The following ENPP6 variants were observed in gnomAD, a reference collection of about 807,000 sequenced individuals.
The protein encoded by ENPP6 is glycerophosphocholine cholinephosphodiesterase ENPP6.
Under a neutral mutation model 42.0 loss-of-function variants are expected in ENPP6, and 32 were observed. The observed-to-expected ratio is 0.76, with a 90% CI of 0.58 to 1.02. The LOEUF is 1.02. ENPP6 is among the 50% of genes least tolerant of loss of function. ENPP6 has a pLI of 0.00. For missense variants in ENPP6, 552 were observed against 566.8 expected (o/e 0.97, Z 0.27); for synonymous variants, 213 against 216.0 (o/e 0.99, Z 0.12).
intron 6 of ENPP6, among the ~76,000 whole-genome samples, chr4:184,103,563 C>T (rs996957799): frequency 3.9e-5 from 6 of 152,192 alleles, no homozygotes; most frequent in Non-Finnish European, 7.3e-5. Flanking sequence ...AGTGAAAACG[C>T]TGGTGAAATG....
intron 1 of ENPP6, among the ~76,000 whole-genome samples, chr4:184,206,332 A>G (rs1418186510): frequency 2.9e-5 from 3 of 104,614 alleles, no homozygotes; most frequent in African/African-American, 7.8e-5. Context: ...ATCTCGGCTC[A>G]CTGCAAGCTC....
chr4:184,120,141 T>A (rs1736392963), intron 3 of ENPP6, among the ~76,000 whole-genome samples: 1 of 152,158 alleles, frequency 6.6e-6, no homozygotes, highest in South Asian at 2.1e-4. Flanking sequence ...TCGCTTTTCC[T>A]GAGTATGTGG....
chr4:184,108,543 A>C (rs1736142478), intron 6 of ENPP6, among the ~76,000 whole-genome samples: 1 of 152,264 alleles, frequency 6.6e-6, no homozygotes, highest in Non-Finnish European at 1.5e-5. Flanking sequence ...AGTTTAAGCC[A>C]ATAAAGAAAG....
intron 1 of ENPP6, among the ~76,000 whole-genome samples, chr4:184,193,768 A>G (rs1247082698): frequency 6.6e-6 from 1 of 152,002 alleles, no homozygotes; most frequent in African/African-American, 2.4e-5. Flanking sequence ...GCAAATACCA[A>G]CCTCCAAAGC....
intron 1 of ENPP6, among the ~76,000 whole-genome samples, chr4:184,164,791 AAGTAACTG>A (rs1393448550): frequency 2.6e-5 from 4 of 152,158 alleles, no homozygotes; most frequent in African/African-American, 9.7e-5. Flanking sequence ...TTTCCAGGTA[AAGTAACTG>A]AGGGGCAGAG....
chr4:184,178,940 A>G (rs1423139730), intron 1 of ENPP6, among the ~76,000 whole-genome samples: 1 of 152,228 alleles, frequency 6.6e-6, no homozygotes, highest in Admixed American at 6.5e-5. Context: ...TACAAAGACC[A>G]ATGACACTAT....
At chr4:184,110,122 G>A (rs149565976) in intron 6 of ENPP6, among the ~76,000 whole-genome samples, 106 of 152,304 alleles carry the variant, frequency 7.0e-4, no homozygotes, top group South Asian at 4.2e-3. Context: ...GAGTGGGCCA[G>A]CACCAGTCAG....
intron 2 of ENPP6, among the ~76,000 whole-genome samples, chr4:184,131,536 G>A (rs1302070395): frequency 7.4e-5 from 8 of 108,576 alleles, no homozygotes; most frequent in Non-Finnish European, 1.3e-4. Flanking sequence ...TTTTTTTTTT[G>A]TATTTTTAGT....
chr4:184,097,336 GCTGTTCATCCAA>G lies in ENPP6; in HGVS notation c.1014_1025del (p.Trp339_Ser342del). ...GCTGCCAACCTTCCCGCCTGCCGGTGCTGTTCATCCAAAACGGAAGCATCTCTCGATTCTGAA... is the reference window on the plus strand; with the variant it reads ...GCTGCCAACCTTCCCGCCTGCCGGTGAACGGAAGCATCTCTCGATTCTGAA... On this transcript the variant is annotated inframe_deletion, in exon 7 of 8. Transcript: ENST00000296741. The G allele has an allele frequency of 6.2e-7, 1 of 1,614,178 alleles. No individual in the cohort carries two copies. The highest frequency in any genetic ancestry group is 8.5e-7 in the Non-Finnish European group (1 of 1,180,016).
intron 1 of ENPP6, among the ~76,000 whole-genome samples, chr4:184,170,130 TA>T (rs1487080751): frequency 5.3e-5 from 8 of 152,264 alleles, no homozygotes; most frequent in African/African-American, 1.9e-4. Flanking sequence ...GAAATTCGTT[TA>T]TTTGAATCAG....
rs979027067 is a variant in ENPP6 at position 184,105,091 on chromosome 4, G to A, written c.993+7581C>T. Reference sequence around the variant, plus strand: ...TGATTGAAGTTACTTGGGCGAGCACGGTTACCCCTCCCTGACCACTAAATT... The same window carrying A: ...TGATTGAAGTTACTTGGGCGAGCACAGTTACCCCTCCCTGACCACTAAATT... On this transcript the variant is annotated intron_variant, in intron 6 of 7. Transcript: ENST00000296741. Among the ~76,000 whole-genome samples the A allele has an allele frequency of 2.6e-5, 4 of 152,146 alleles. 1 individual carries two copies. The highest frequency in any genetic ancestry group is 4.1e-4 in the South Asian group (2 of 4,826).
chr4:184,098,673 C>A (rs1735950846), intron 6 of ENPP6, among the ~76,000 whole-genome samples: 1 of 152,136 alleles, frequency 6.6e-6, no homozygotes, highest in African/African-American at 2.4e-5. Context: ...TCTTTGGAAC[C>A]CAATTTTCTT....
intron 2 of ENPP6, among the ~76,000 whole-genome samples, chr4:184,145,050 C>CAGG (rs954545896): frequency 1.3e-5 from 2 of 152,100 alleles, no homozygotes; most frequent in Non-Finnish European, 2.9e-5. Context: ...GGTGGAGCGC[C>CAGG]AGGAGGAGGA....
chr4:184,093,843 G>A (rs1198193711), intron 7 of ENPP6, among the ~76,000 whole-genome samples: 1 of 152,044 alleles, frequency 6.6e-6, no homozygotes, highest in African/African-American at 2.4e-5. Flanking sequence ...CCAGCGGCAT[G>A]GAAGCAACTC....
At chr4:184,115,541 T>C (rs1736298370) in intron 5 of ENPP6, among the ~76,000 whole-genome samples, 1 of 152,184 alleles carries the variant, frequency 6.6e-6, no homozygotes. Context: ...CTGTGGGAAC[T>C]CAACCACACC....
At chr4:184,131,263 C>CT (rs796068731) in intron 2 of ENPP6, among the ~76,000 whole-genome samples, 824 of 71,776 alleles carry the variant, frequency 0.011, 74 homozygotes, top group Middle Eastern at 0.075. Context: ...TCTTTCTCTT[C>CT]CTTCCTTCCT....
chr4:184,197,238 CT>C (rs1238232689), intron 1 of ENPP6, among the ~76,000 whole-genome samples: 1 of 151,818 alleles, frequency 6.6e-6, no homozygotes, highest in African/African-American at 2.4e-5. Context: ...CCACCTCCCC[CT>C]GGGCCAAATT....
At chr4:184,165,637 C>T (rs1276155509) in intron 1 of ENPP6, among the ~76,000 whole-genome samples, 3 of 65,780 alleles carry the variant, frequency 4.6e-5, no homozygotes, top group African/African-American at 2.3e-4. Context: ...CTGTAAATAC[C>T]TCTAAGGAGG....
rs115082885 is a variant in ENPP6, at chr4:184,117,008, C to T, written c.703G>A (p.Val235Ile). ...ATTCCGTGATCCGAGAAAATAATGA[C>T]GTTCAGGCGGTCCTGCAGGCCCCGC... ...QERGLQDRLN[V>I]IIFSDHGMTD... is the part of the protein sequence containing the mutation. Residue 235 changes from valine to isoleucine, a missense_variant, in exon 5 of 8, where the codon GTC becomes ATC. By Grantham distance (29) the Val-to-Ile change is conservative. Coordinates refer to ENST00000296741, the MANE Select transcript of ENPP6 (RefSeq NM_153343.4). The T allele has an allele frequency of 1.5e-3, 2,348 of 1,614,182 alleles. 4 individuals carry two copies. The highest frequency in any genetic ancestry group is 1.7e-3 in the Non-Finnish European group (2,058 of 1,180,030).
Sources: allele counts gnomAD v4.1 joint callset (sites outside exome capture counted in the v4.1 genomes callset), GRCh38; gene constraint gnomAD v4.1.1; transcripts MANE v1.5; gene names NCBI Gene and HGNC (gene_info 2026-07-23, HGNC 2026-07-21).